The following C14orf39 variants were observed in gnomAD, a reference collection of about 807,000 sequenced individuals.
C14orf39 encodes the protein chromosome 14 open reading frame 39.
C14orf39 carries 66 observed loss-of-function variants against 85.6 expected under a neutral mutation model. That is an observed-to-expected ratio of 0.77 (90% CI 0.63 to 0.95). The LOEUF (loss-of-function observed/expected upper bound fraction) is 0.95. Among genes scored for constraint, C14orf39 ranks in the 40% least tolerant of loss-of-function variants. C14orf39 has a pLI of 0.00. For missense variants in C14orf39, 735 were observed against 663.9 expected, an observed-to-expected ratio of 1.11 and a Z score of -1.18; for synonymous variants, 242 against 214.0, an observed-to-expected ratio of 1.13 and a Z score of -1.14.
chr14:60,488,529 A>G (rs549193752), upstream of C14orf39, among the ~76,000 whole-genome samples: 2 of 152,182 alleles, frequency 1.3e-5, no homozygotes, highest in African/African-American at 4.8e-5. Context: ...CTCCCACAAG[A>G]TAAAATTTTC....
At chr14:60,470,464 T>C (rs921101493) in intron 7 of C14orf39, among the ~76,000 whole-genome samples, 3 of 151,912 alleles carry the variant, frequency 2.0e-5, no homozygotes, top group African/African-American at 7.2e-5. Context: ...CAAGTTTCCA[T>C]TAAAATGTTA....
At chr14:60,514,506 C>T (rs1208516965) in intron 1 of C14orf39, among the ~76,000 whole-genome samples, 1 of 152,076 alleles carries the variant, frequency 6.6e-6, no homozygotes, top group Non-Finnish European at 1.5e-5. Context: ...AAAACGACGG[C>T]CCCTGCTCCC....
chr14:60,510,967 C>A, intron 1 of C14orf39: 1 of 1,063,408 alleles, frequency 9.4e-7, no homozygotes. Context: ...GCCTTAACTG[C>A]TGGGGTCTTC....
At chr14:60,505,779 G>A (rs1415055256) in intron 1 of C14orf39, among the ~76,000 whole-genome samples, 1 of 152,204 alleles carries the variant, frequency 6.6e-6, no homozygotes, top group Non-Finnish European at 1.5e-5. Context: ...GAAAAGATAA[G>A]ATTGGAACCC....
chr14:60,473,521 G>T (rs536957643), intron 5 of C14orf39, among the ~76,000 whole-genome samples: 1 of 152,038 alleles, frequency 6.6e-6, no homozygotes, highest in Non-Finnish European at 1.5e-5. Flanking sequence ...TTCTCCTAGG[G>T]TTTCATGGTT....
chr14:60,475,807 C>A (rs9989223), intron 5 of C14orf39, among the ~76,000 whole-genome samples: 123,075 of 152,104 alleles, frequency 0.81, 51,440 homozygotes, highest in Non-Finnish European at 0.91. Flanking sequence ...TTCCCCAATT[C>A]TTATCAAATA....
rs988641704 is a variant in C14orf39 at position 60,469,709 on chromosome 14, T to C, written c.555-56A>G. ...GTAAATTTTATATTTATAATATATG[T>C]GCCATATCAGAAATGATTAATATTA... On this transcript the variant is annotated intron_variant, in intron 7 of 17. Transcript: ENST00000321731. 9.4e-6 allele frequency: 7 copies of C among 745,624 alleles called. No individual in the cohort carries two copies. The African/African-American group carries it at 1.1e-4, about 12-fold the overall frequency. The allele number at this position is 745,624 out of a possible 1,614,324, so 46.2% of individuals were successfully genotyped here.
In C14orf39 at chr14:60,437,044, T is replaced by C. The variant is rs745983602; in HGVS notation, c.1565A>G (p.Asn522Ser). 3.8e-6 allele frequency: 6 copies of C among 1,595,220 alleles called. No homozygotes were observed. In the African/African-American group the frequency reaches 6.8e-5, roughly 18 times the overall value. The change falls in exon 18 of 18, where the codon AAC (asparagine) becomes AGC (serine). Residue 522 changes from asparagine (N) to serine (S), a missense_variant. By Grantham distance (46) the Asn-to-Ser change is conservative. Coordinates refer to ENST00000321731, the MANE Select transcript of C14orf39 (RefSeq NM_174978.3). ...NPLSSEQEIG[N>S]LLEKPEGEDG... ...TTCTCCTTCTGGCTTCTCAAGTAAGTTTCCTAAGGAAGATAAACATTACAA... is the reference window on the plus strand; with the variant it reads ...TTCTCCTTCTGGCTTCTCAAGTAAGCTTCCTAAGGAAGATAAACATTACAA...
intron 16 of C14orf39, among the ~76,000 whole-genome samples, chr14:60,453,176 T>A (rs1309672801): frequency 6.6e-6 from 1 of 152,138 alleles, no homozygotes; most frequent in Non-Finnish European, 1.5e-5. Flanking sequence ...CCAATATGTT[T>A]GAATTTTTGT....
rs773325780 is a variant in C14orf39, at chr14:60,511,114, C to T, written c.-144+4281G>A. ...AGCAGCAGGTCCTGTCACAGGGTTC[C>T]GGGCGGGCACTACGGGCGGAGGGCG... is the stretch of plus-strand genomic sequence containing the variant. On this transcript the variant is annotated intron_variant, in intron 1 of 5. Coordinates refer to the C14orf39 transcript ENST00000556799. 3.7e-6 allele frequency: 6 copies of T among 1,612,836 alleles called. No individual in the cohort carries two copies. Among genetic ancestry groups the T allele is most frequent in the Middle Eastern group, 1.7e-4 (1 of 6,058 alleles).
At chr14:60,440,782 C>T (rs1193744730) in intron 17 of C14orf39, among the ~76,000 whole-genome samples, 1 of 152,166 alleles carries the variant, frequency 6.6e-6, no homozygotes, top group East Asian at 1.9e-4. Flanking sequence ...GTCTCTCCTT[C>T]CTTATTCCAT....
chr14:60,478,041 C>A (rs1005578899), intron 5 of C14orf39, among the ~76,000 whole-genome samples: 1 of 151,582 alleles, frequency 6.6e-6, no homozygotes, highest in African/African-American at 2.4e-5. Flanking sequence ...TAGCCGGGTG[C>A]GGTGGCGGGC....
chr14:60,500,631 C>T (rs1184886679), intron 1 of C14orf39, among the ~76,000 whole-genome samples: 1 of 151,968 alleles, frequency 6.6e-6, no homozygotes, highest in African/African-American at 2.4e-5. Flanking sequence ...GAAAAATGTT[C>T]ACGAAATGTT....
intron 17 of C14orf39, among the ~76,000 whole-genome samples, chr14:60,438,643 T>C (rs1313490191): frequency 2.0e-5 from 3 of 151,982 alleles, no homozygotes; most frequent in Non-Finnish European, 2.9e-5. Context: ...TAAATAATGA[T>C]GGTAGAATGG....
chr14:60,438,333 G>A (rs1890354364), intron 17 of C14orf39, among the ~76,000 whole-genome samples: 1 of 151,818 alleles, frequency 6.6e-6, no homozygotes, highest in Non-Finnish European at 1.5e-5. Context: ...TTATTTTTTT[G>A]ACTATGTGTA....
rs150146362 is a variant in C14orf39 at position 60,503,392 on chromosome 14, T to C, written c.-143-3962A>G. On this transcript the variant is annotated intron_variant, in intron 1 of 5. Transcript: ENST00000556799. ...AACAGCATGAAATAGTACTGGACCT[T>C]ACACACGGCAGGCATTAACCACTAT... Among the ~76,000 whole-genome samples the C allele has an allele frequency of 7.2e-5, 11 of 152,310 alleles. No individual in the cohort carries two copies. In the East Asian group the frequency reaches 2.1e-3, roughly 29 times the overall value.
At chr14:60,471,130 CT>C (rs1892054045) in intron 7 of C14orf39, among the ~76,000 whole-genome samples, 1 of 151,792 alleles carries the variant, frequency 6.6e-6, no homozygotes, top group African/African-American at 2.4e-5. Flanking sequence ...CTGGAATTTT[CT>C]TTGGTAAGAC....
chr14:60,457,325 T>C (rs1705055254), intron 14 of C14orf39, among the ~76,000 whole-genome samples: 2 of 151,930 alleles, frequency 1.3e-5, no homozygotes, highest in African/African-American at 4.8e-5. Context: ...CATCTTCCAC[T>C]TCTACCTGAA....
intron 1 of C14orf39, among the ~76,000 whole-genome samples, chr14:60,507,319 C>G (rs1331079184): frequency 1.3e-5 from 2 of 152,298 alleles, no homozygotes; most frequent in South Asian, 4.2e-4. Context: ...TTTTCTGCAC[C>G]GCGGATTCTC....
Sources: gnomAD v4.1 joint callset for allele counts (sites outside exome capture counted in the v4.1 genomes callset) on GRCh38, gnomAD v4.1.1 for gene constraint, MANE v1.5 for transcripts, NCBI Gene and HGNC (gene_info 2026-07-23, HGNC 2026-07-21) for gene names.